Variants in ADGRL3 observed in about 807,000 individuals in gnomAD.
The protein encoded by ADGRL3 is calcium-independent alpha-latrotoxin receptor 3.
Under a neutral mutation model 153.5 loss-of-function variants are expected in ADGRL3, and 62 were observed. That is an observed-to-expected ratio of 0.40 (90% CI 0.33 to 0.50). The LOEUF (loss-of-function observed/expected upper bound fraction) is 0.50. Among genes scored for constraint, ADGRL3 ranks in the 20% least tolerant of loss-of-function variants. ADGRL3 has a pLI of 0.47. For missense variants in ADGRL3, 1,641 were observed against 1,859.4 expected (o/e 0.88, Z 2.16); for synonymous variants, 710 against 672.5 (o/e 1.06, Z -0.86).
rs917558384 is a variant in ADGRL3 at position 61,280,668 on chromosome 4, T to C, written c.-240+78903T>C. Reference sequence around the variant, plus strand: ...TTTCTAAATTACAAGATTGTTATTATTTAATGGTTAAAAATGTATCTAACA... The same window carrying C: ...TTTCTAAATTACAAGATTGTTATTACTTAATGGTTAAAAATGTATCTAACA... On this transcript the variant is annotated intron_variant, in intron 1 of 26. Transcript: ENST00000683033. Among the ~76,000 whole-genome samples, 10 of 152,278 alleles carry C rather than the reference T, an allele frequency of 6.6e-5. No individual in the cohort carries two copies. The Middle Eastern group carries it at 0.01, about 155-fold the overall frequency.
At chr4:61,804,796 T>C (rs1353036742) in intron 8 of ADGRL3, among the ~76,000 whole-genome samples, 1 of 152,162 alleles carries the variant, frequency 6.6e-6, no homozygotes, top group Admixed American at 6.5e-5. Flanking sequence ...ACATCATTGA[T>C]AACACTTTTT....
At chr4:61,964,427 A>T (rs1510926) in intron 17 of ADGRL3, among the ~76,000 whole-genome samples, 28,602 of 152,160 alleles carry the variant, frequency 0.19, 3,372 homozygotes, top group East Asian at 0.43. Context: ...TAATGATTTT[A>T]TCTACATCTA....
At chr4:61,414,692 TATATC>T (rs2097127133) in intron 2 of ADGRL3, among the ~76,000 whole-genome samples, 1 of 151,816 alleles carries the variant, frequency 6.6e-6, no homozygotes, top group African/African-American at 2.4e-5. Context: ...TTTGGAATAA[TATATC>T]AAATCAAAGA....
At chr4:61,511,216 C>T (rs374722121) in intron 3 of ADGRL3, among the ~76,000 whole-genome samples, 3 of 152,116 alleles carry the variant, frequency 2.0e-5, no homozygotes, top group South Asian at 4.2e-4. Flanking sequence ...AAAAATTAGC[C>T]GGACATGGTG....
chr4:61,813,760 A>G, intron 8 of ADGRL3, 49 bp from the exon 9 acceptor site: 2 of 1,599,072 alleles, frequency 1.3e-6, no homozygotes, highest in Non-Finnish European at 1.7e-6. Context: ...TTAAAAAGGG[A>G]AAAGACATAC....
At chr4:61,230,199 C>A (rs1047214732) in intron 1 of ADGRL3, among the ~76,000 whole-genome samples, 4 of 152,138 alleles carry the variant, frequency 2.6e-5, no homozygotes, top group Admixed American at 2.0e-4. Context: ...CGGCTGTCTG[C>A]TAGAAGCCCT....
At chr4:61,760,619 C>T (rs373114118) in intron 8 of ADGRL3, among the ~76,000 whole-genome samples, 6 of 152,294 alleles carry the variant, frequency 3.9e-5, no homozygotes, top group Non-Finnish European at 7.4e-5. Flanking sequence ...TGAGGCGATG[C>T]CTCGCCCTGC....
chr4:61,726,199 C>CTTTTTTTTTTTTTTTTTT (rs1012113549), intron 6 of ADGRL3, among the ~76,000 whole-genome samples: 5 of 82,932 alleles, frequency 6.0e-5, no homozygotes, highest in East Asian at 4.0e-4. Context: ...CTCACTGGAA[C>CTTTTTTTTTTTTTTTTTT]TTTTTTTTTT....
intron 1 of ADGRL3, among the ~76,000 whole-genome samples, chr4:61,373,859 A>T (rs559832609): frequency 1.7e-4 from 26 of 152,324 alleles, no homozygotes; most frequent in Admixed American, 8.5e-4. Context: ...ATTTTCCCCC[A>T]ATAGTCATGC....
intron 1 of ADGRL3, among the ~76,000 whole-genome samples, chr4:61,370,278 A>C (rs1263402967): frequency 3.9e-5 from 4 of 102,322 alleles, no homozygotes; most frequent in Admixed American, 1.0e-4. Context: ...CTAGCTTTTG[A>C]ATGTGTTTGC....
chr4:61,509,124 C>CTTTTTTTT (rs57550950), intron 3 of ADGRL3, among the ~76,000 whole-genome samples: 2 of 118,566 alleles, frequency 1.7e-5, no homozygotes, highest in Admixed American at 9.1e-5. Context: ...CATATCACAT[C>CTTTTTTTT]TTTTTTTTTT....
In ADGRL3 at chr4:61,259,640, C is replaced by T. The variant is rs141111255; in HGVS notation, c.-240+57875C>T. ...CTGAACAGCACGTCCATATGCTCGC[C>T]GCTGAAATCACTAGGAAATGTCCTC... On this transcript the variant is annotated intron_variant, in intron 1 of 26. Transcript: ENST00000683033. Among the ~76,000 whole-genome samples the T allele has an allele frequency of 3.5e-3, 533 of 152,158 alleles. 1 individual carries two copies. Among genetic ancestry groups the T allele is most frequent in the African/African-American group, 0.012 (478 of 41,510 alleles).
At chr4:61,841,173 A>G (rs1388405595) in intron 9 of ADGRL3, among the ~76,000 whole-genome samples, 1 of 152,046 alleles carries the variant, frequency 6.6e-6, no homozygotes, top group Non-Finnish European at 1.5e-5. Flanking sequence ...TCTCTTTCAT[A>G]TTTTGCAAAA....
At chr4:61,893,129 CTCTT>C (rs1259674670) in intron 10 of ADGRL3, among the ~76,000 whole-genome samples, 171 bp downstream of exon 10, 23 of 139,412 alleles carry the variant, frequency 1.6e-4, no homozygotes, top group African/African-American at 4.8e-4. Context: ...CTCTCTTTCT[CTCTT>C]TCTTTCTTCT....
chr4:61,652,098 A>G (rs890545813), intron 5 of ADGRL3, among the ~76,000 whole-genome samples: 2 of 152,154 alleles, frequency 1.3e-5, no homozygotes, highest in Non-Finnish European at 2.9e-5. Flanking sequence ...CCTCTAAAAG[A>G]ACTGGAAAAA....
At chr4:62,061,571 G>A (rs551376518) in intron 25 of ADGRL3, among the ~76,000 whole-genome samples, 1 of 152,046 alleles carries the variant, frequency 6.6e-6, no homozygotes, top group East Asian at 1.9e-4. Flanking sequence ...ATCACCACAA[G>A]GATGCGTCAT....
At chr4:61,371,324 C>T (rs1287842504) in intron 1 of ADGRL3, among the ~76,000 whole-genome samples, 2 of 151,120 alleles carry the variant, frequency 1.3e-5, no homozygotes, top group Non-Finnish European at 3.0e-5. Flanking sequence ...TCTTCCTAGT[C>T]TCGATGGTCT....
At chr4:61,685,593 C>G (rs546725388) in intron 6 of ADGRL3, among the ~76,000 whole-genome samples, 1 of 152,086 alleles carries the variant, frequency 6.6e-6, no homozygotes, top group South Asian at 2.1e-4. Context: ...GAGGACAGCT[C>G]CAAGGATCTT....
chr4:61,869,848 G>C (rs966456913), intron 9 of ADGRL3, among the ~76,000 whole-genome samples: 2 of 149,286 alleles, frequency 1.3e-5, no homozygotes, highest in African/African-American at 4.9e-5. Flanking sequence ...TGAGACAGGA[G>C]GATCGCTTGA....
Sources: allele counts gnomAD v4.1 joint callset (sites outside exome capture counted in the v4.1 genomes callset), GRCh38; gene constraint gnomAD v4.1.1; transcripts MANE v1.5; gene names NCBI Gene and HGNC (gene_info 2026-07-23, HGNC 2026-07-21).